Variants in POU2F2 observed in about 807,000 individuals in gnomAD.
POU2F2 encodes POU class 2 homeobox 2.
Under a neutral mutation model 63.5 loss-of-function variants are expected in POU2F2, and 14 were observed. The ratio of observed to expected loss-of-function variants is 0.22; its 90% CI spans 0.15 to 0.34. POU2F2 has a LOEUF of 0.34. POU2F2 is among the 10% of genes least tolerant of loss of function. The pLI is 1.00. For missense variants in POU2F2, 607 were observed against 815.2 expected, an observed-to-expected ratio of 0.74 and a Z score of 3.11; for synonymous variants, 306 against 348.6, an observed-to-expected ratio of 0.88 and a Z score of 1.36.
chr19:42,132,022 C>T (rs1041683904), intron 1 of POU2F2, among the ~76,000 whole-genome samples: 2 of 152,192 alleles, frequency 1.3e-5, no homozygotes, highest in African/African-American at 4.8e-5. Flanking sequence ...AGTCCAGCAA[C>T]TTGGCATTCC....
chr19:42,114,818 T>C (rs968775278), intron 5 of POU2F2, among the ~76,000 whole-genome samples: 1 of 152,136 alleles, frequency 6.6e-6, no homozygotes, highest in Non-Finnish European at 1.5e-5. Context: ...ACAGACTAGT[T>C]ACTGTTACTT....
rs1326523027 is a variant in POU2F2 at position 42,117,741 on chromosome 19, A to T, written c.187-309T>A. Among the ~76,000 whole-genome samples the T allele has an allele frequency of 1.3e-5, 2 of 151,422 alleles. No individual in the cohort carries two copies. Among genetic ancestry groups the T allele is most frequent in the Non-Finnish European group, 2.9e-5 (2 of 67,858 alleles). ...ATACCTGTAACCCTAGCACTTTGGG[A>T]GGTCGAGGCAGGCGGATCACTTGGG... On this transcript the variant is annotated intron_variant, in intron 4 of 14. Coordinates refer to ENST00000692977, the MANE Select transcript of POU2F2 (RefSeq NM_001394376.1). The surrounding 1 kb of genome is among the most constrained non-coding windows in gnomAD (Gnocchi z 4.4).
upstream of POU2F2, among the ~76,000 whole-genome samples, chr19:42,196,966 G>A (rs1200259425): frequency 2.0e-5 from 3 of 152,224 alleles, no homozygotes; most frequent in Non-Finnish European, 4.4e-5. Flanking sequence ...GGAAGCAGGG[G>A]CAGAGCCTGA....
In POU2F2 at chr19:42,162,983, C is replaced by T. The variant is rs185098937; in HGVS notation, c.-69-2591G>A. 5.3e-5 allele frequency among the ~76,000 whole-genome samples: 8 copies of T among 152,210 alleles called. No homozygotes were observed. The highest frequency in any genetic ancestry group is 3.9e-4 in the East Asian group (2 of 5,176). Reference sequence around the variant, plus strand: ...GATCTCTCAGCATCTCACATTTGTTCGGCGAGTGTCATCCCATGACACTGC... The same window carrying T: ...GATCTCTCAGCATCTCACATTTGTTTGGCGAGTGTCATCCCATGACACTGC... On this transcript the variant is annotated intron_variant, in intron 1 of 6. Transcript: ENST00000524801. The surrounding 1 kb of genome is among the most constrained non-coding windows in gnomAD (Gnocchi z 4.1).
At chr19:42,122,487 C>T in intron 2 of POU2F2, 24 bp downstream of exon 2, 1 of 1,609,124 alleles carries the variant, frequency 6.2e-7, no homozygotes, top group Non-Finnish European at 8.5e-7. Context: ...GTGACCCCTG[C>T]CCCCCTGCTC....
intron 1 of POU2F2, among the ~76,000 whole-genome samples, chr19:42,172,037 C>T (rs895704926): frequency 5.3e-5 from 8 of 152,212 alleles, no homozygotes; most frequent in African/African-American, 1.9e-4. Flanking sequence ...AGCTGAGCCT[C>T]CACAGACAGG....
At chr19:42,093,746 AC>A in intron 12 of POU2F2, 82 bp downstream of exon 12, 1 of 1,400,108 alleles carries the variant, frequency 7.1e-7, no homozygotes, top group Non-Finnish European at 9.9e-7. Flanking sequence ...GCCCATGGAC[AC>A]CCAGAGCCAC....
intron 1 of POU2F2, among the ~76,000 whole-genome samples, chr19:42,181,348 T>TGAG (rs2034958116): frequency 6.6e-6 from 1 of 152,214 alleles, no homozygotes; most frequent in Admixed American, 6.5e-5. Flanking sequence ...CAGATTCCTC[T>TGAG]GAGGAATGTG....
chr19:42,095,987 C>G lies in POU2F2; in HGVS notation c.730-58G>C, dbSNP rs759921944. 2.1e-4 allele frequency: 341 copies of G among 1,598,238 alleles called. No homozygotes were observed. The highest frequency in any genetic ancestry group is 2.4e-4 in the Non-Finnish European group (282 of 1,173,222). ...CAGGGTGGGGCCTTCCGGCACTGGG[C>G]CCGCTCCGCCCGCCCACTGGCCACG... On this transcript the variant is annotated intron_variant, in intron 8 of 14. Coordinates refer to ENST00000692977, the MANE Select transcript of POU2F2 (RefSeq NM_001394376.1). This position sits in a 1 kb window ranked among gnomAD's most constrained non-coding sequence, Gnocchi z 7.1.
At chr19:42,150,173 A>T (rs1443906123) in intron 2 of POU2F2, among the ~76,000 whole-genome samples, 1 of 150,598 alleles carries the variant, frequency 6.6e-6, no homozygotes, top group African/African-American at 2.4e-5. Context: ...TGACCCCAAC[A>T]CCCTCCTGTA....
At position 42,146,049 on chromosome 19, in the gene POU2F2, A is replaced by G. The variant is rs1305057716; in HGVS notation, c.-9+14283T>C. Among the ~76,000 whole-genome samples the G allele has an allele frequency of 1.1e-4, 17 of 151,646 alleles. No homozygotes were observed. The East Asian group carries it at 1.7e-3, about 15-fold the overall frequency. ...CTCCGTCTCAAAAAAAAAAAAAAAA[A>G]AAAGAAAAAAAAGAGTTCTGCTTTA... On this transcript the variant is annotated intron_variant, in intron 2 of 6. Coordinates refer to the POU2F2 transcript ENST00000524801.
intron 1 of POU2F2, among the ~76,000 whole-genome samples, chr19:42,194,685 G>T (rs968107518): frequency 2.2e-4 from 33 of 147,656 alleles, no homozygotes; most frequent in African/African-American, 8.3e-4. Flanking sequence ...CTTGAACCTG[G>T]GAGGTGGAGG....
intron 1 of POU2F2, among the ~76,000 whole-genome samples, chr19:42,125,832 C>T (rs549414189): frequency 4.6e-4 from 70 of 152,332 alleles, no homozygotes; most frequent in African/African-American, 1.6e-3. Context: ...CAGTGCTCTT[C>T]ACCCATGTCG....
At position 42,095,275 on chromosome 19, in the gene POU2F2, G is replaced by T. The variant is rs375780713; in HGVS notation, c.1197+11C>A. ...TGTGGTCTCCCCACCCCCCAGGCGG[G>T]CTCTTGGTACCATATGGGGGCTGTA... is the stretch of plus-strand genomic sequence containing the variant. On this transcript the variant is annotated intron_variant, in intron 11 of 14. Coordinates refer to ENST00000692977, the MANE Select transcript of POU2F2 (RefSeq NM_001394376.1). This position sits in a 1 kb window ranked among gnomAD's most constrained non-coding sequence, Gnocchi z 7.1. The T allele has an allele frequency of 6.2e-6, 10 of 1,609,782 alleles. No homozygotes were observed. The highest frequency in any genetic ancestry group is 8.5e-6 in the Non-Finnish European group (10 of 1,178,888).
upstream of POU2F2, among the ~76,000 whole-genome samples, chr19:42,197,542 A>T (rs1489276642): frequency 6.6e-6 from 1 of 152,176 alleles, no homozygotes; most frequent in South Asian, 2.1e-4. Flanking sequence ...CAGCCTTGGA[A>T]ATCCCTGCCA....
intron 1 of POU2F2, among the ~76,000 whole-genome samples, chr19:42,185,132 A>T (rs2034999758): frequency 1.3e-5 from 2 of 152,296 alleles, no homozygotes; most frequent in Middle Eastern, 6.8e-3. Context: ...TTAAAATTTT[A>T]AACCATATGA....
At chr19:42,110,946 T>C (rs2030989610) in intron 5 of POU2F2, among the ~76,000 whole-genome samples, 1 of 152,170 alleles carries the variant, frequency 6.6e-6, no homozygotes, top group Non-Finnish European at 1.5e-5. Context: ...GCCTGAGTAA[T>C]ATTATCTAGA....
At chr19:42,154,666 A>C (rs375320792) in intron 2 of POU2F2, among the ~76,000 whole-genome samples, 1 of 152,198 alleles carries the variant, frequency 6.6e-6, no homozygotes, top group Admixed American at 6.5e-5. Flanking sequence ...GGCAGACGGC[A>C]GATAGTGGTG....
chr19:42,151,611 C>T (rs890997751), intron 2 of POU2F2, among the ~76,000 whole-genome samples: 2 of 151,994 alleles, frequency 1.3e-5, no homozygotes, highest in Admixed American at 1.3e-4. Context: ...TGGGCAAGGT[C>T]GGATGGGGGT....
Sources: allele counts gnomAD v4.1 joint callset (sites outside exome capture counted in the v4.1 genomes callset), GRCh38; gene constraint gnomAD v4.1.1; non-coding constraint Gnocchi (gnomAD v3.1); transcripts MANE v1.5; gene names NCBI Gene and HGNC (gene_info 2026-07-23, HGNC 2026-07-21).